CATSPERB: variants seen among roughly 807,000 people sequenced by gnomAD.
The protein encoded by CATSPERB is cation channel sperm-associated auxiliary subunit beta.
In CATSPERB, 93 loss-of-function variants were observed where a neutral mutation model predicts 128.3. The ratio of observed to expected loss-of-function variants is 0.72; its 90% CI spans 0.61 to 0.86. The LOEUF (loss-of-function observed/expected upper bound fraction) is 0.86, where lower values mean the gene tolerates loss of function less well. Ranked by LOEUF, CATSPERB falls within the 40% of genes least tolerant of loss-of-function variation. The pLI, the probability that CATSPERB is intolerant of heterozygous loss-of-function variation, is 0.00. For missense variants in CATSPERB, 1,153 were observed against 1,329.5 expected (o/e 0.87, Z 2.06); for synonymous variants, 381 against 448.8 (o/e 0.85, Z 1.91).
intron 4 of CATSPERB, 148 bp from the exon 5 acceptor site, chr14:91,719,626 C>T (rs1895997121): frequency 6.9e-6 from 4 of 583,638 alleles, no homozygotes; most frequent in African/African-American, 3.8e-5. Flanking sequence ...GGAATTTTTC[C>T]TACATTATGC....
Position 91,726,845 on chromosome 14 carries a change from C to T in CATSPERB, c.80-1677G>A, listed in dbSNP as rs564148269. 2.6e-5 allele frequency among the ~76,000 whole-genome samples: 4 copies of T among 152,204 alleles called. No homozygotes were observed. The East Asian group carries it at 7.7e-4, about 29-fold the overall frequency. On this transcript the variant is annotated intron_variant, in intron 2 of 26. Coordinates refer to ENST00000256343, the MANE Select transcript of CATSPERB (RefSeq NM_024764.4). Reference sequence around the variant, plus strand: ...CCAGCTAGGGCAGAACTGTGCTTTCCCTCCCACTTCTCCCTCCCTTTCTAC... The same window carrying T: ...CCAGCTAGGGCAGAACTGTGCTTTCTCTCCCACTTCTCCCTCCCTTTCTAC...
intron 15 of CATSPERB, among the ~76,000 whole-genome samples, chr14:91,648,003 T>A (rs1894634830): frequency 6.6e-6 from 1 of 152,244 alleles, no homozygotes. Flanking sequence ...ATGATGTTCA[T>A]CATATCATTA....
intron 17 of CATSPERB, among the ~76,000 whole-genome samples, chr14:91,629,491 A>G (rs1462721682): frequency 6.6e-6 from 1 of 152,176 alleles, no homozygotes; most frequent in Admixed American, 6.5e-5. Flanking sequence ...TTGCAACACT[A>G]AGAGTAAGTC....
intron 22 of CATSPERB, chr14:91,603,392 AAAGGTAT>A: frequency 6.2e-7 from 1 of 1,609,898 alleles, no homozygotes; most frequent in Non-Finnish European, 8.5e-7. Flanking sequence ...CCTCAATATT[AAAGGTAT>A]AAGCAGCACG....
intron 13 of CATSPERB, 103 bp from the exon 14 acceptor site, chr14:91,670,075 A>G: frequency 9.9e-7 from 1 of 1,005,526 alleles, no homozygotes; most frequent in Non-Finnish European, 1.5e-6. Flanking sequence ...ACAATCACTA[A>G]CACAACATAG....
chr14:91,718,844 C>G (rs563238212), intron 5 of CATSPERB, among the ~76,000 whole-genome samples: 2 of 152,126 alleles, frequency 1.3e-5, no homozygotes. Flanking sequence ...TTTTGTTTAA[C>G]GCACCTATCA....
chr14:91,618,150 ATGT>A, intron 19 of CATSPERB, among the ~76,000 whole-genome samples: 2 of 152,216 alleles, frequency 1.3e-5, no homozygotes, highest in African/African-American at 4.8e-5. Flanking sequence ...TAACTTCCTG[ATGT>A]TGCCATGGCA....
At chr14:91,708,005 G>T in intron 6 of CATSPERB, 136 bp downstream of exon 6, 1 of 656,904 alleles carries the variant, frequency 1.5e-6, no homozygotes, top group South Asian at 1.8e-5. Flanking sequence ...AGTGCCTCAA[G>T]GGTCATGATT....
chr14:91,628,551 C>T (rs191182981), intron 17 of CATSPERB, among the ~76,000 whole-genome samples: 2 of 152,238 alleles, frequency 1.3e-5, no homozygotes, highest in Admixed American at 6.5e-5. Flanking sequence ...CGGTTTTCCC[C>T]ATGCTGTTCT....
intron 15 of CATSPERB, among the ~76,000 whole-genome samples, chr14:91,639,614 G>A (rs1257055514): frequency 6.6e-6 from 1 of 152,164 alleles, no homozygotes; most frequent in Non-Finnish European, 1.5e-5. Flanking sequence ...AGGAAGGCAA[G>A]GCGAATCATC....
At chr14:91,612,942 A>G (rs1158327762) in intron 20 of CATSPERB, among the ~76,000 whole-genome samples, 1 of 152,226 alleles carries the variant, frequency 6.6e-6, no homozygotes, top group Non-Finnish European at 1.5e-5. Context: ...GCTGCCTTCA[A>G]ATAAAAGACT....
chr14:91,720,152 G>T (rs1290920775), intron 4 of CATSPERB, among the ~76,000 whole-genome samples: 2 of 151,890 alleles, frequency 1.3e-5, no homozygotes, highest in Non-Finnish European at 2.9e-5. Context: ...AATCCAAAGA[G>T]AAAAATCTTA....
At chr14:91,702,493 T>C (rs1382743449) in intron 7 of CATSPERB, among the ~76,000 whole-genome samples, 1 of 151,848 alleles carries the variant, frequency 6.6e-6, no homozygotes, top group Admixed American at 6.6e-5. Flanking sequence ...AGGTTATTTG[T>C]CTATCCCTAT....
intron 22 of CATSPERB, chr14:91,603,572 G>A (rs372104049): frequency 8.7e-5 from 58 of 665,700 alleles, no homozygotes; most frequent in East Asian, 2.1e-4. Flanking sequence ...CCTGAGAAGC[G>A]CGCACTGCCC....
At chr14:91,658,724 A>AGGCCG (rs1283330985) in intron 15 of CATSPERB, among the ~76,000 whole-genome samples, 1 of 129,670 alleles carries the variant, frequency 7.7e-6, no homozygotes, top group Non-Finnish European at 1.6e-5. Flanking sequence ...AAAGGAAGGG[A>AGGCCG]AGAGAAGGAA....
At chr14:91,636,339 G>T (rs1057502500) in intron 17 of CATSPERB, 86 bp downstream of exon 17, 58 of 1,260,770 alleles carry the variant, frequency 4.6e-5, no homozygotes, top group Non-Finnish European at 6.4e-5. Context: ...CTCCAGCCTG[G>T]ATGACAGAGC....
chr14:91,644,318 C>T (rs1894551784), intron 15 of CATSPERB, among the ~76,000 whole-genome samples: 2 of 132,162 alleles, frequency 1.5e-5, no homozygotes. Context: ...ATGGTCTTTA[C>T]ATTTTGGCAT....
At position 91,708,155 on chromosome 14, in the gene CATSPERB, AATAGAGTTCCTTC is replaced by A. The variant is rs1895767758; in HGVS notation, c.439_451del (p.Glu147TrpfsTer16). ...TTGGCATTTACCTCGAATAACATCC[AATAGAGTTCCTTC>A]AGTAGCATAAATATTTAGTCCATGA... On this transcript the variant is annotated frameshift_variant, in exon 6 of 27. Transcript: ENST00000256343. LOFTEE classifies it high-confidence loss of function. 6.2e-7 allele frequency: 1 copy of A among 1,608,388 alleles called. No homozygotes were observed. Among genetic ancestry groups the A allele is most frequent in the African/African-American group, 1.3e-5 (1 of 74,776 alleles).
rs1321692790 is a variant in CATSPERB at position 91,603,556 on chromosome 14, C to G, written c.2709+4738G>C. The G allele has an allele frequency of 2.0e-5, 14 of 708,118 alleles. No homozygotes were observed. In the South Asian group the frequency reaches 2.4e-4, roughly 12 times the overall value. The allele number at this position is 708,118 out of a possible 1,614,324, so 43.9% of individuals were successfully genotyped here. On this transcript the variant is annotated intron_variant, in intron 22 of 26. Transcript: ENST00000256343. ...GGTGCAGGCAGAGGACCCCACCGCT[C>G]TAGAGCCTGAGAAGCGCGCACTGCC...
Sources: allele counts gnomAD v4.1 joint callset (sites outside exome capture counted in the v4.1 genomes callset), GRCh38; gene constraint gnomAD v4.1.1; transcripts MANE v1.5; gene names NCBI Gene and HGNC (gene_info 2026-07-23, HGNC 2026-07-21).